Variants in NTM observed in about 807,000 individuals in gnomAD.
NTM encodes IgLON family member 2.
In NTM, 13 loss-of-function variants were observed where a neutral mutation model predicts 42.1. That is an observed-to-expected ratio of 0.31 (90% CI 0.20 to 0.49). NTM has a LOEUF of 0.49. NTM is among the 20% of genes least tolerant of loss of function. NTM has a pLI of 0.99. For synonymous variants in NTM, 187 were observed against 179.2 expected, an observed-to-expected ratio of 1.04 and a Z score of -0.35; for missense variants, 373 against 452.8, an observed-to-expected ratio of 0.82 and a Z score of 1.60.
intron 4 of NTM, among the ~76,000 whole-genome samples, chr11:132,306,930 G>A (rs529005767): frequency 6.6e-6 from 1 of 152,190 alleles, no homozygotes; most frequent in East Asian, 1.9e-4. Flanking sequence ...GGTATGTGAA[G>A]CGTTGTTATT....
chr11:132,099,547 A>G (rs139667001), intron 2 of NTM, among the ~76,000 whole-genome samples: 36 of 152,300 alleles, frequency 2.4e-4, no homozygotes, highest in African/African-American at 8.2e-4. Context: ...TGAGGGACAA[A>G]GAGGTGAAGT....
intron 1 of NTM, chr11:131,660,548 A>G (rs2067876523): frequency 4.4e-6 from 2 of 457,470 alleles, no homozygotes. Flanking sequence ...GTGGCCTGTG[A>G]GAAAAGAGGT....
At chr11:132,009,157 C>T (rs1470176322) in intron 2 of NTM, among the ~76,000 whole-genome samples, 1 of 152,166 alleles carries the variant, frequency 6.6e-6, no homozygotes. Flanking sequence ...GGAAAAGCTA[C>T]AATTGGAAAC....
intron 1 of NTM, among the ~76,000 whole-genome samples, chr11:131,420,716 A>G (rs1248893051): frequency 6.6e-6 from 1 of 152,194 alleles, no homozygotes; most frequent in Non-Finnish European, 1.5e-5. Flanking sequence ...AGGCTTGGGC[A>G]TCTGGAAGTG....
At chr11:132,021,899 G>C (rs144313650) in intron 2 of NTM, among the ~76,000 whole-genome samples, 1 of 152,168 alleles carries the variant, frequency 6.6e-6, no homozygotes, top group Admixed American at 6.5e-5. Flanking sequence ...TCCAGCTTCA[G>C]TGTCAACTAA....
chr11:132,090,017 G>A (rs568864468), intron 2 of NTM, among the ~76,000 whole-genome samples: 68 of 152,184 alleles, frequency 4.5e-4, no homozygotes, highest in Middle Eastern at 3.4e-3. Flanking sequence ...TCTTCCAGAT[G>A]CTTTGTATAT....
intron 2 of NTM, among the ~76,000 whole-genome samples, chr11:132,122,294 C>A (rs2064971581): frequency 6.6e-6 from 1 of 152,304 alleles, no homozygotes; most frequent in East Asian, 1.9e-4. Flanking sequence ...GGTGTGCCCC[C>A]TGGATAGGAC....
chr11:131,502,707 C>A (rs989843064), intron 1 of NTM: 1 of 152,234 alleles, frequency 6.6e-6, no homozygotes, highest in African/African-American at 2.4e-5. Context: ...TCGTCTGTAA[C>A]TAAAACGTAG....
intron 1 of NTM, among the ~76,000 whole-genome samples, chr11:131,433,878 A>G (rs778490194): frequency 3.3e-5 from 5 of 152,202 alleles, no homozygotes; most frequent in African/African-American, 4.8e-5. Flanking sequence ...TACACGTGCC[A>G]TGTTGGTTTG....
chr11:131,487,814 C>G (rs561233381), intron 1 of NTM, among the ~76,000 whole-genome samples: 3 of 152,322 alleles, frequency 2.0e-5, no homozygotes, highest in Admixed American at 2.0e-4. Context: ...TGCCGGATCT[C>G]TAGCTTGGAA....
rs60444346 is a variant in NTM at position 132,190,944 on chromosome 11, G to GTT, written c.401-21070_401-21069dup. On this transcript the variant is annotated intron_variant, in intron 3 of 8. Coordinates refer to ENST00000683400, the MANE Select transcript of NTM (RefSeq NM_001352005.2). ...TTATAAGCAGGGGATGATATTATTT[G>GTT]TTTTTTTTTGTCATTTTGCTTTGTT... Among the ~76,000 whole-genome samples, 121 of 150,538 alleles carry GTT rather than the reference G, an allele frequency of 8.0e-4. 1 individual carries two copies. The highest frequency in any genetic ancestry group is 3.5e-3 in the Middle Eastern group (1 of 288).
At position 131,752,689 on chromosome 11, in the gene NTM, T is replaced by G. The variant is rs553820204; in HGVS notation, c.83-158875T>G. On this transcript the variant is annotated intron_variant, in intron 1 of 8. Coordinates refer to ENST00000683400, the MANE Select transcript of NTM (RefSeq NM_001352005.2). The stretch of plus-strand genomic sequence containing the variant: ...ATTAAGAAAATGTGGCACATACATA[T>G]GTAGAAAGCTGAAACTGGATCCCTT... Among the ~76,000 whole-genome samples the G allele has an allele frequency of 2.0e-4, 30 of 152,250 alleles. No individual in the cohort carries two copies. The South Asian group carries it at 4.6e-3, about 23-fold the overall frequency.
chr11:131,822,706 G>T (rs1357993151), intron 1 of NTM, among the ~76,000 whole-genome samples: 1 of 152,018 alleles, frequency 6.6e-6, no homozygotes, highest in Non-Finnish European at 1.5e-5. Context: ...TCTCATATTT[G>T]AGTGAAGGGT....
intron 1 of NTM, among the ~76,000 whole-genome samples, chr11:131,587,991 G>T (rs114924735): frequency 2.6e-3 from 400 of 152,324 alleles, no homozygotes; most frequent in African/African-American, 9.3e-3. Context: ...TAGTAATAAA[G>T]CATGTGTGGA....
intron 2 of NTM, among the ~76,000 whole-genome samples, chr11:132,039,284 C>T (rs576630775): frequency 7.9e-5 from 12 of 152,218 alleles, no homozygotes; most frequent in South Asian, 6.2e-4. Context: ...ATATTTTGTG[C>T]GCTTGACTTA....
intron 1 of NTM, among the ~76,000 whole-genome samples, chr11:131,487,557 T>C (rs1247650216): frequency 6.6e-6 from 1 of 152,184 alleles, no homozygotes; most frequent in Non-Finnish European, 1.5e-5. Flanking sequence ...GAGACAAGGA[T>C]AGGTGAGTAT....
chr11:132,328,523 C>T (rs2095733666), intron 7 of NTM, among the ~76,000 whole-genome samples: 2 of 152,026 alleles, frequency 1.3e-5, no homozygotes, highest in Admixed American at 6.5e-5. Context: ...CTTTTATTTT[C>T]AGCAGGAATT....
intron 1 of NTM, among the ~76,000 whole-genome samples, chr11:131,616,038 T>C (rs1366098719): frequency 6.6e-6 from 1 of 152,220 alleles, no homozygotes; most frequent in East Asian, 1.9e-4. Flanking sequence ...TGCGTGGCCC[T>C]CAAGAGAATC....
chr11:132,173,598 C>T (rs536710344), intron 3 of NTM, among the ~76,000 whole-genome samples: 2 of 152,334 alleles, frequency 1.3e-5, no homozygotes, highest in African/African-American at 4.8e-5. Context: ...CATGTGATTA[C>T]ATCTGTAATA....
Sources: gnomAD v4.1 joint callset for allele counts (sites outside exome capture counted in the v4.1 genomes callset) on GRCh38, gnomAD v4.1.1 for gene constraint, MANE v1.5 for transcripts, NCBI Gene and HGNC (gene_info 2026-07-23, HGNC 2026-07-21) for gene names.